Variants in SOBP observed in about 807,000 individuals in gnomAD.
SOBP encodes the protein sine oculis binding protein homolog, also known as sine oculis-binding protein homolog.
Under a neutral mutation model 53.6 loss-of-function variants are expected in SOBP, and 4 were observed. That is an observed-to-expected ratio of 0.07 (90% CI 0.04 to 0.17). SOBP has a LOEUF of 0.17. SOBP is among the 10% of genes least tolerant of loss of function. The pLI is 1.00. For missense variants in SOBP, 1,088 were observed against 1,204.7 expected (o/e 0.90, Z 1.43); for synonymous variants, 584 against 522.6 (o/e 1.12, Z -1.60).
intron 4 of SOBP, among the ~76,000 whole-genome samples, chr6:107,552,157 A>G (rs1369185717): frequency 6.6e-6 from 1 of 152,186 alleles, no homozygotes; most frequent in Non-Finnish European, 1.5e-5. Flanking sequence ...TCACCGTTGG[A>G]TGGATTCTCT....
rs150058570 is a variant in SOBP, at chr6:107,524,846, C to T, written c.422-8613C>T. Among the ~76,000 whole-genome samples the T allele has an allele frequency of 5.9e-3, 893 of 152,310 alleles. 33 individuals carry two copies. Among genetic ancestry groups the T allele is most frequent in the Admixed American group, 0.055 (835 of 15,296 alleles). ...TGTAGGGCAGTGGAGCAGCACGTTCCAGGAGGCTTCCTCAGAAGTCCAGTC... is the reference window on the plus strand; with the variant it reads ...TGTAGGGCAGTGGAGCAGCACGTTCTAGGAGGCTTCCTCAGAAGTCCAGTC... On this transcript the variant is annotated intron_variant, in intron 3 of 6. Transcript: ENST00000317357.
At position 107,659,398 on chromosome 6, in the gene SOBP, G is replaced by C. The variant is rs1772200073; in HGVS notation, c.*1195G>C. On this transcript the variant is annotated 3_prime_UTR_variant, in exon 7 of 7. Transcript: ENST00000317357. The stretch of plus-strand genomic sequence containing the variant: ...TACAGTTGTAGCTGCGAGTCCAGAA[G>C]TCCTCTAGAGCATGTGTACTGGCAC... The C allele has an allele frequency of 6.6e-6, 1 of 152,382 alleles. No homozygotes were observed. Among genetic ancestry groups the C allele is most frequent in the Non-Finnish European group, 1.5e-5 (1 of 68,016 alleles). The allele number at this position is 152,382 out of a possible 1,614,324, so 9.4% of individuals were successfully genotyped here. A position where few individuals can be genotyped will look rare whatever the true frequency, so the allele number is the denominator to read the frequency against.
At chr6:107,565,008 CAA>C (rs1289533238) in intron 4 of SOBP, among the ~76,000 whole-genome samples, 1 of 152,200 alleles carries the variant, frequency 6.6e-6, no homozygotes, top group Admixed American at 6.5e-5. Flanking sequence ...AAGAGGGAAA[CAA>C]GAGATGGCTA....
intron 3 of SOBP, among the ~76,000 whole-genome samples, chr6:107,528,475 C>T (rs1180327453): frequency 1.3e-5 from 2 of 152,104 alleles, no homozygotes; most frequent in Non-Finnish European, 2.9e-5. Context: ...TATTATTGGG[C>T]CTGTCTTATC....
chr6:107,523,550 C>T (rs1218905496), intron 3 of SOBP, among the ~76,000 whole-genome samples: 5 of 152,222 alleles, frequency 3.3e-5, no homozygotes, highest in East Asian at 1.9e-4. Flanking sequence ...GCAGTGCTCT[C>T]TCTGAGTGCT....
At position 107,635,013 on chromosome 6, in the gene SOBP, C is replaced by T. The variant is rs1466088990; in HGVS notation, c.2169C>T (p.Ile723=). The T allele has an allele frequency of 3.4e-6, 4 of 1,191,030 alleles. No individual in the cohort carries two copies. In the African/African-American group the frequency reaches 4.9e-5, roughly 15 times the overall value. The allele number at this position is 1,191,030 out of a possible 1,614,324, so 73.8% of individuals were successfully genotyped here. ...AGGCGGCCGCGGCCTGCAACGTCAT[C>T]GTGAACGGCACGCGCGGCGCCGCCG... ...GPEAAAACNV[I]VNGTRGAAAE... is the part of the protein sequence containing the mutation. Residue 723 remains isoleucine (I), a synonymous_variant, in exon 6 of 7, where the codon ATC becomes ATT. Coordinates refer to ENST00000317357, the MANE Select transcript of SOBP (RefSeq NM_018013.4). The surrounding 1 kb of genome is among the most constrained non-coding windows in gnomAD (Gnocchi z 4.5).
chr6:107,582,051 T>C (rs1785420230), intron 4 of SOBP, among the ~76,000 whole-genome samples: 1 of 152,216 alleles, frequency 6.6e-6, no homozygotes, highest in African/African-American at 2.4e-5. Context: ...GACACAGAAG[T>C]GTAAACTCCC....
At chr6:107,511,455 C>G (rs1352858107) in intron 3 of SOBP, 1 of 152,194 alleles carries the variant, frequency 6.6e-6, no homozygotes, top group Non-Finnish European at 1.5e-5. Context: ...ACAGTTCTTG[C>G]CGTCATGAGG....
At chr6:107,568,667 C>T (rs902353280) in intron 4 of SOBP, among the ~76,000 whole-genome samples, 1 of 152,230 alleles carries the variant, frequency 6.6e-6, no homozygotes, top group African/African-American at 2.4e-5. Flanking sequence ...AATAGGGACA[C>T]TAGTGGGTAT....
chr6:107,572,457 C>T (rs1445532819), intron 4 of SOBP, among the ~76,000 whole-genome samples: 1 of 152,218 alleles, frequency 6.6e-6, no homozygotes, highest in African/African-American at 2.4e-5. Context: ...GTGCCCACCA[C>T]AATGCCCAAC....
intron 3 of SOBP, among the ~76,000 whole-genome samples, chr6:107,520,830 G>A (rs1015016156): frequency 6.6e-6 from 1 of 152,152 alleles, no homozygotes; most frequent in Non-Finnish European, 1.5e-5. Flanking sequence ...TTTCACTAGT[G>A]TTTCCCTCTA....
chr6:107,599,610 G>GAAAAAA (rs10685353), intron 5 of SOBP, among the ~76,000 whole-genome samples: 5 of 138,584 alleles, frequency 3.6e-5, no homozygotes, highest in African/African-American at 1.3e-4. Context: ...TGATTTTTGA[G>GAAAAAA]AAAAAAAAAA....
In SOBP at chr6:107,634,851, CCGCGCGCT is replaced by C. The variant is rs1770935664; in HGVS notation, c.2008_2015del (p.Arg670AlafsTer64). 1 of 1,394,960 alleles carries C rather than the reference CCGCGCGCT, an allele frequency of 7.2e-7. No individual in the cohort carries two copies. The highest frequency in any genetic ancestry group is 1.5e-5 in the African/African-American group (1 of 66,430). The allele number at this position is 1,394,960 out of a possible 1,614,324, so 86.4% of individuals were successfully genotyped here. ...GAGCCCGGCTGCACAACGTGATCCA[CCGCGCGCT>C]GCACGCGCACGTCAAGGCGGAGCGC... On this transcript the variant is annotated frameshift_variant, in exon 6 of 7. Transcript: ENST00000317357. LOFTEE classifies it high-confidence loss of function. This position sits in a 1 kb window ranked among gnomAD's most constrained non-coding sequence, Gnocchi z 4.5.
At chr6:107,547,170 A>T (rs144205247) in intron 4 of SOBP, among the ~76,000 whole-genome samples, 55 of 152,314 alleles carry the variant, frequency 3.6e-4, no homozygotes, top group African/African-American at 1.2e-3. Context: ...ATAATGAGGT[A>T]ACCTGACATC....
chr6:107,596,017 G>A (rs1785934089), intron 5 of SOBP, among the ~76,000 whole-genome samples: 1 of 152,148 alleles, frequency 6.6e-6, no homozygotes, highest in South Asian at 2.1e-4. Flanking sequence ...AGAGCTACAT[G>A]CTACCAGGAA....
intron 4 of SOBP, among the ~76,000 whole-genome samples, chr6:107,569,913 A>G (rs1259891116): frequency 1.3e-4 from 20 of 152,082 alleles, no homozygotes; most frequent in Admixed American, 1.2e-3. Flanking sequence ...CCCATCTCTC[A>G]CATTGTTTTA....
chr6:107,649,187 A>C (rs1056205165), intron 6 of SOBP, among the ~76,000 whole-genome samples: 2,059 of 149,364 alleles, frequency 0.014, 34 homozygotes, highest in Non-Finnish European at 0.025. Flanking sequence ...AAAAAAAAAA[A>C]AAACCATCAG....
At chr6:107,643,934 A>G (rs1326023125) in intron 6 of SOBP, among the ~76,000 whole-genome samples, 1 of 152,240 alleles carries the variant, frequency 6.6e-6, no homozygotes, top group Non-Finnish European at 1.5e-5. Context: ...ATCATAAACA[A>G]GATTGGTTGT....
At position 107,634,650 on chromosome 6, in the gene SOBP, G is replaced by A. The variant is rs760333966; in HGVS notation, c.1806G>A (p.Ser602=). Residue 602 remains serine, a synonymous_variant, in exon 6 of 7, where the codon TCG becomes TCA. Coordinates refer to ENST00000317357, the MANE Select transcript of SOBP (RefSeq NM_018013.4). The surrounding 1 kb of genome is among the most constrained non-coding windows in gnomAD (Gnocchi z 4.5). The stretch of plus-strand genomic sequence containing the variant: ...CCGCGGACTCGCCCCCCGGCTGCTC[G>A]GGCCAGGCCCTGAGCCTGGCGCCCA... The part of the protein sequence containing the change: ...SKSADSPPGC[S]GQALSLAPTP... The A allele has an allele frequency of 1.9e-6, 3 of 1,566,062 alleles. No homozygotes were observed. Among genetic ancestry groups the A allele is most frequent in the East Asian group, 2.3e-5 (1 of 42,704 alleles).
Sources: gnomAD v4.1 joint callset for allele counts (sites outside exome capture counted in the v4.1 genomes callset) on GRCh38, gnomAD v4.1.1 for gene constraint, Gnocchi (gnomAD v3.1) non-coding constraint, MANE v1.5 for transcripts, NCBI Gene and HGNC (gene_info 2026-07-23, HGNC 2026-07-21) for gene names.